The following CCL26 variants were observed in gnomAD, a reference collection of about 807,000 sequenced individuals.
The protein encoded by CCL26 is C-C motif chemokine ligand 26, also known as C-C motif chemokine 26.
CCL26 carries 10 observed loss-of-function variants against 10.7 expected under a neutral mutation model. That is an observed-to-expected ratio of 0.93 (90% CI 0.57 to 1.58). The LOEUF is 1.58. Among genes scored for constraint, CCL26 ranks in the 40% most tolerant of loss-of-function variants. CCL26 has a pLI of 0.00. For synonymous variants in CCL26, 43 were observed against 41.4 expected, an observed-to-expected ratio of 1.04 and a Z score of -0.15; for missense variants, 116 against 111.0, an observed-to-expected ratio of 1.05 and a Z score of -0.20.
In CCL26 at chr7:75,769,618, G is replaced by C; in HGVS notation, c.*75C>G. 1.0e-6 allele frequency: 1 copy of C among 957,080 alleles called. No individual in the cohort carries two copies. Among genetic ancestry groups the C allele is most frequent in the South Asian group, 1.4e-5 (1 of 73,234 alleles). 59.3% of individuals were successfully genotyped at this position (957,080 alleles called of 1,614,324 possible). ...GCGGGTCCATGTAGCCTTCAGAAAA[G>C]ATTCCGCAGGCTCCCCAGAGGGCTG... is the stretch of plus-strand genomic sequence containing the variant. On this transcript the variant is annotated 3_prime_UTR_variant, in exon 3 of 3. Transcript: ENST00000005180.
chr7:75,783,751 C>T (rs1266479870), intron 1 of CCL26, among the ~76,000 whole-genome samples: 1 of 143,606 alleles, frequency 7.0e-6, no homozygotes, highest in Non-Finnish European at 1.5e-5. Context: ...CGTGCCACTG[C>T]ACACCAGCCT....
At chr7:75,772,331 A>C, upstream of CCL26, 1 of 621,904 alleles carries the variant, frequency 1.6e-6, no homozygotes, top group Non-Finnish European at 2.9e-6. Context: ...AAGTAAACTA[A>C]TACTCATAGG....
At chr7:75,785,333 A>G (rs972204161) in intron 1 of CCL26, among the ~76,000 whole-genome samples, 12 of 151,964 alleles carry the variant, frequency 7.9e-5, no homozygotes, top group African/African-American at 2.7e-4. Flanking sequence ...GCTCTTTCCC[A>G]TGATTTATTT....
At chr7:75,771,287 C>A (rs980451002) in intron 2 of CCL26, among the ~76,000 whole-genome samples, 1 of 152,256 alleles carries the variant, frequency 6.6e-6, no homozygotes, top group South Asian at 2.1e-4. Flanking sequence ...GCAACCATCA[C>A]CACAATCAAT....
At chr7:75,777,040 G>A (rs1310449238), upstream of CCL26, among the ~76,000 whole-genome samples, 1 of 152,068 alleles carries the variant, frequency 6.6e-6, no homozygotes, top group Non-Finnish European at 1.5e-5. Flanking sequence ...AGACCAGCCT[G>A]GCCAACATAG....
upstream of CCL26, among the ~76,000 whole-genome samples, chr7:75,790,847 G>A (rs993526482): frequency 6.6e-6 from 1 of 151,596 alleles, no homozygotes; most frequent in Non-Finnish European, 1.5e-5. Flanking sequence ...GGGAGGCTGA[G>A]GCAGGAGAAT....
intron 1 of CCL26, among the ~76,000 whole-genome samples, chr7:75,784,936 A>G (rs549338208): frequency 1.3e-5 from 2 of 152,238 alleles, no homozygotes; most frequent in African/African-American, 2.4e-5. Flanking sequence ...GCATGCTTTA[A>G]AAGGATTAAA....
In CCL26 at chr7:75,769,560, G is replaced by A; in HGVS notation, c.*133C>T. On this transcript the variant is annotated 3_prime_UTR_variant, in exon 3 of 3. Transcript: ENST00000005180. ...AACTCTATGAACAACCTTTATTAAA[G>A]TAACTCTGGGAGGAAACACCCTCTC... is the stretch of plus-strand genomic sequence containing the variant. 5.2e-6 allele frequency: 3 copies of A among 577,666 alleles called. No individual in the cohort carries two copies. Among genetic ancestry groups the A allele is most frequent in the Non-Finnish European group, 9.5e-6 (3 of 315,760 alleles). The allele number at this position is 577,666 out of a possible 1,614,324, so 35.8% of individuals were successfully genotyped here.
chr7:75,790,148 T>C (rs1554530588), upstream of CCL26, among the ~76,000 whole-genome samples: 3 of 148,366 alleles, frequency 2.0e-5, no homozygotes, highest in East Asian at 2.0e-4. Context: ...TCTCTCTTTC[T>C]GTCTCTCTCC....
At chr7:75,790,182 T>C (rs3043381), upstream of CCL26, among the ~76,000 whole-genome samples, 3,842 of 81,214 alleles carry the variant, frequency 0.047, 129 homozygotes, top group South Asian at 0.14. Context: ...TTCCTTCCTT[T>C]CTTTCTTTCT....
At chr7:75,789,938 A>G (rs1228388486), upstream of CCL26, 3 of 152,032 alleles carry the variant, frequency 2.0e-5, no homozygotes, top group Non-Finnish European at 4.4e-5. Flanking sequence ...TCAACCCAGT[A>G]CAGATGTATT....
chr7:75,789,820 A>G (rs1803283831), exon 1 of CCL26: 3 of 152,106 alleles, frequency 2.0e-5, no homozygotes, highest in Non-Finnish European at 2.9e-5. Context: ...TGGGACCCCA[A>G]GTCAAGACCT....
upstream of CCL26, among the ~76,000 whole-genome samples, chr7:75,776,513 A>AAAAGGAAGGAAGGAAGG (rs1802942705): frequency 9.2e-6 from 1 of 108,986 alleles, no homozygotes; most frequent in African/African-American, 3.9e-5. Context: ...TGCACTCCAA[A>AAAAGGAAGGAAGGAAGG]AAGGAAGGAA....
At chr7:75,776,033 T>A (rs1802931212), upstream of CCL26, among the ~76,000 whole-genome samples, 1 of 149,656 alleles carries the variant, frequency 6.7e-6, no homozygotes, top group Non-Finnish European at 1.5e-5. Flanking sequence ...ACTAATTACT[T>A]CTGCAAAGGC....
chr7:75,784,037 ATAGAG>A (rs1162974126), intron 1 of CCL26, among the ~76,000 whole-genome samples: 1 of 152,174 alleles, frequency 6.6e-6, no homozygotes, highest in Non-Finnish European at 1.5e-5. Flanking sequence ...GTGTACAATA[ATAGAG>A]TAGAGGAAGC....
chr7:75,789,292 G>A (rs568361799), intron 1 of CCL26, among the ~76,000 whole-genome samples: 29 of 151,826 alleles, frequency 1.9e-4, no homozygotes, highest in Non-Finnish European at 3.7e-4. Context: ...TTAGTAAAGA[G>A]GAATGAAATG....
intron 1 of CCL26, among the ~76,000 whole-genome samples, chr7:75,789,046 C>T (rs1326379727): frequency 4.0e-5 from 6 of 151,378 alleles, no homozygotes; most frequent in South Asian, 2.1e-4. Context: ...CTTAGCCACC[C>T]GAGTAGCCAG....
At chr7:75,781,690 T>G (rs1387678308) in intron 1 of CCL26, among the ~76,000 whole-genome samples, 2 of 152,334 alleles carry the variant, frequency 1.3e-5, no homozygotes, top group East Asian at 1.9e-4. Flanking sequence ...TTCCTTTTCC[T>G]GGCTCATCCT....
chr7:75,785,268 T>C (rs1193702153), intron 1 of CCL26, among the ~76,000 whole-genome samples: 2 of 152,168 alleles, frequency 1.3e-5, no homozygotes, highest in Non-Finnish European at 2.9e-5. Context: ...CCCCGCAGCT[T>C]ACCAGGGCTG....
Sources: allele counts gnomAD v4.1 joint callset (sites outside exome capture counted in the v4.1 genomes callset), GRCh38; gene constraint gnomAD v4.1.1; transcripts MANE v1.5; gene names NCBI Gene and HGNC (gene_info 2026-07-23, HGNC 2026-07-21).